Variants in CDC42BPB observed in about 807,000 individuals in gnomAD.
CDC42BPB encodes the protein CDC42 binding protein kinase beta, also known as serine/threonine-protein kinase MRCK beta.
CDC42BPB carries 37 observed loss-of-function variants against 214.9 expected under a neutral mutation model. The ratio of observed to expected loss-of-function variants is 0.17; its 90% CI spans 0.13 to 0.23. The LOEUF is 0.23. CDC42BPB is among the 10% of genes least tolerant of loss of function. The probability of loss-of-function intolerance (pLI) is 1.00; values close to 1 mark genes in which losing one functional copy is unlikely to be tolerated. For missense variants in CDC42BPB, 1,694 were observed against 2,227.0 expected (o/e 0.76, Z 4.82); for synonymous variants, 931 against 884.0 (o/e 1.05, Z -0.94).
Position 102,940,143 on chromosome 14 carries a change from C to T in CDC42BPB, c.4507-13G>A. 1 of 1,614,078 alleles carries T rather than the reference C, an allele frequency of 6.2e-7. No homozygotes were observed. ...TCAGGGGCCTTATCTGGATTGGAAA[C>T]CAGGGAGGGACAGTAAGCGCGGCCA... On this transcript the variant is annotated splice_polypyrimidine_tract_variant and intron_variant, in intron 31 of 36. Coordinates refer to ENST00000361246, the MANE Select transcript of CDC42BPB (RefSeq NM_006035.4).
chr14:102,977,254 G>T (rs1321599465), intron 9 of CDC42BPB, among the ~76,000 whole-genome samples: 2 of 148,260 alleles, frequency 1.3e-5, no homozygotes, highest in Admixed American at 7.0e-5. Context: ...CAGGGGAATC[G>T]CTTGAACCCG....
intron 9 of CDC42BPB, among the ~76,000 whole-genome samples, chr14:102,976,914 G>A (rs893485079): frequency 2.6e-5 from 4 of 152,162 alleles, no homozygotes; most frequent in African/African-American, 9.7e-5. Flanking sequence ...CTCTGCACTG[G>A]GGGCTGGTAA....
chr14:102,998,293 A>C (rs1420047501), intron 5 of CDC42BPB, among the ~76,000 whole-genome samples: 1 of 152,228 alleles, frequency 6.6e-6, no homozygotes. Flanking sequence ...AAAAGAAAGA[A>C]ATTAGCAATA....
At chr14:103,016,604 C>A (rs186695490) in intron 1 of CDC42BPB, among the ~76,000 whole-genome samples, 25 of 150,786 alleles carry the variant, frequency 1.7e-4, no homozygotes, top group Non-Finnish European at 2.5e-4. Flanking sequence ...TACAGGAGGA[C>A]TGATCAGATA....
chr14:103,004,214 G>A lies in CDC42BPB; in HGVS notation c.352-191C>T, dbSNP rs1265532532. The A allele has an allele frequency of 1.3e-5, 17 of 1,319,094 alleles. No homozygotes were observed. In the East Asian group the frequency reaches 1.5e-4, roughly 12 times the overall value. The allele number at this position is 1,319,094 out of a possible 1,614,324, so 81.7% of individuals were successfully genotyped here. A position where few individuals can be genotyped will look rare whatever the true frequency, so the allele number is the denominator to read the frequency against. On this transcript the variant is annotated intron_variant, in intron 3 of 36. Transcript: ENST00000361246. The surrounding 1 kb of genome is among the most constrained non-coding windows in gnomAD (Gnocchi z 5.3). ...CTCATCCCTTCCTCTCCCAAGCCCC[G>A]TGCAAGTGCCAAGGGCTGCTGAGGA...
At chr14:102,967,219 A>G (rs1893250743) in intron 16 of CDC42BPB, 49 bp from the exon 17 acceptor site, 1 of 1,581,284 alleles carries the variant, frequency 6.3e-7, no homozygotes, top group Non-Finnish European at 8.6e-7. Context: ...GGCATCCTTT[A>G]AGTATGCTGG....
chr14:103,023,130 C>A (rs567896679), intron 1 of CDC42BPB, among the ~76,000 whole-genome samples: 2 of 151,262 alleles, frequency 1.3e-5, no homozygotes, highest in African/African-American at 4.9e-5. Flanking sequence ...CTCAGTCTCC[C>A]GAGTAGCAGA....
intron 1 of CDC42BPB, among the ~76,000 whole-genome samples, chr14:103,056,198 G>C (rs1002022022): frequency 1.3e-5 from 2 of 152,080 alleles, no homozygotes; most frequent in South Asian, 4.1e-4. Flanking sequence ...GCAAAATTCA[G>C]ATGAGAAAGT....
At chr14:102,945,253 G>A (rs780075558) in intron 29 of CDC42BPB, 5 of 459,044 alleles carry the variant, frequency 1.1e-5, no homozygotes, top group South Asian at 3.1e-5. Flanking sequence ...GTCTCCTGAC[G>A]TTTCTGCTCC....
intron 1 of CDC42BPB, among the ~76,000 whole-genome samples, chr14:103,056,399 AG>A (rs1195347604): frequency 1.3e-5 from 2 of 152,206 alleles, no homozygotes; most frequent in Non-Finnish European, 2.9e-5. Flanking sequence ...GCTGTCACCC[AG>A]GAGGGGCCGT....
intron 13 of CDC42BPB, among the ~76,000 whole-genome samples, chr14:102,970,836 C>T (rs961121696): frequency 1.3e-5 from 2 of 152,148 alleles, no homozygotes; most frequent in South Asian, 4.1e-4. Flanking sequence ...GCAAAATAGA[C>T]TAAGAAGAAA....
intron 1 of CDC42BPB, among the ~76,000 whole-genome samples, chr14:103,034,927 G>T: frequency 1.3e-5 from 2 of 151,730 alleles, no homozygotes; most frequent in Non-Finnish European, 1.5e-5. Flanking sequence ...ATTAAACAAA[G>T]TTTTATTTAT....
intron 1 of CDC42BPB, among the ~76,000 whole-genome samples, chr14:103,022,514 G>A (rs1886827564): frequency 6.6e-6 from 1 of 152,080 alleles, no homozygotes; most frequent in Non-Finnish European, 1.5e-5. Flanking sequence ...ATGCCACCAC[G>A]CCCGGGAGAT....
At chr14:102,936,515 C>T (rs1238933099) in intron 36 of CDC42BPB, among the ~76,000 whole-genome samples, 4 of 151,752 alleles carry the variant, frequency 2.6e-5, no homozygotes, top group East Asian at 1.9e-4. Context: ...CACTGCCATA[C>T]GAGAGGCTGG....
At chr14:103,003,769 T>C (rs1366978717) in intron 4 of CDC42BPB, among the ~76,000 whole-genome samples, 159 bp downstream of exon 4, 1 of 152,244 alleles carries the variant, frequency 6.6e-6, no homozygotes, top group African/African-American at 2.4e-5. Flanking sequence ...AAGTTCTACC[T>C]GACAATTACT....
intron 1 of CDC42BPB, among the ~76,000 whole-genome samples, chr14:103,039,900 T>TA (rs1245614790): frequency 7.9e-5 from 12 of 152,102 alleles, no homozygotes; most frequent in Non-Finnish European, 1.5e-4. Context: ...ATGAATTCAC[T>TA]AAAAAAACTA....
At chr14:102,987,788 AACACACAC>A (rs57579935) in intron 5 of CDC42BPB, among the ~76,000 whole-genome samples, 15 of 140,848 alleles carry the variant, frequency 1.1e-4, no homozygotes, top group African/African-American at 2.7e-4. Flanking sequence ...CAAACACACA[AACACACAC>A]ACACACACAC....
At chr14:102,947,856 G>A in intron 26 of CDC42BPB, 54 bp from the exon 27 acceptor site, 2 of 1,607,510 alleles carry the variant, frequency 1.2e-6, no homozygotes, top group Non-Finnish European at 8.5e-7. Flanking sequence ...AGGACCCAAG[G>A]CCCTCCCACG....
In CDC42BPB at chr14:102,952,571, G is replaced by A; in HGVS notation, c.3099C>T (p.Phe1033=). The A allele has an allele frequency of 6.2e-7, 1 of 1,614,022 alleles. No homozygotes were observed. The highest frequency in any genetic ancestry group is 1.1e-5 in the South Asian group (1 of 91,056). ...PKAHQFSIKS[F]SSPTQCSHCT... ...AGTGGCTGCACTGAGTAGGGCTGGAGAAGGACTTGATGCTGAACTGGTGAG... is the reference window on the plus strand; with the variant it reads ...AGTGGCTGCACTGAGTAGGGCTGGAAAAGGACTTGATGCTGAACTGGTGAG... The change falls in exon 24 of 37, where the codon TTC becomes TTT. Residue 1033 remains phenylalanine (F), a synonymous_variant. Transcript: ENST00000361246.
Sources: allele counts gnomAD v4.1 joint callset (sites outside exome capture counted in the v4.1 genomes callset), GRCh38; gene constraint gnomAD v4.1.1; non-coding constraint Gnocchi (gnomAD v3.1); transcripts MANE v1.5; gene names NCBI Gene and HGNC (gene_info 2026-07-23, HGNC 2026-07-21).